The following BRAF variants were observed in gnomAD, a reference collection of about 807,000 sequenced individuals.
The protein encoded by BRAF is B-Raf proto-oncogene, serine/threonine kinase, also known as serine/threonine-protein kinase B-raf.
In BRAF, 16 loss-of-function variants were observed where a neutral mutation model predicts 104.6. That is an observed-to-expected ratio of 0.15 (90% confidence interval 0.10 to 0.23). BRAF has a LOEUF of 0.23. BRAF is among the 10% of genes least tolerant of loss of function. The pLI is 1.00. For missense variants in BRAF, 541 were observed against 937.3 expected, an observed-to-expected ratio of 0.58 and a Z score of 5.52; for synonymous variants, 310 against 341.6, an observed-to-expected ratio of 0.91 and a Z score of 1.02.
intron 14 of BRAF, among the ~76,000 whole-genome samples, chr7:140,775,654 T>C (rs1262256188): frequency 1.3e-5 from 2 of 152,208 alleles, no homozygotes; most frequent in African/African-American, 4.8e-5. Flanking sequence ...TTTAATTCTT[T>C]AAAAGCCTTT....
At chr7:140,781,804 C>T in intron 11 of BRAF, 111 bp from the exon 11 acceptor site, 1 of 855,934 alleles carries the variant, frequency 1.2e-6, no homozygotes, top group South Asian at 1.4e-5. Flanking sequence ...AAGAGATCCC[C>T]TTAAGAAAAA....
rs187578630 is a variant in BRAF at position 140,788,930 on chromosome 7, G to A, written c.1141-1346C>T. Among the ~76,000 whole-genome samples the A allele has an allele frequency of 1.4e-3, 206 of 151,796 alleles. 1 individual carries two copies. The highest frequency in any genetic ancestry group is 4.4e-3 in the African/African-American group (182 of 41,432). ...ATTATTAAAATATAGCTCTTTATGC[G>A]CCGGGTGCGGTGGCTCAAGCCTGTA... is the stretch of plus-strand genomic sequence containing the variant. On this transcript the variant is annotated intron_variant, in intron 8 of 19. Coordinates refer to ENST00000644969, the MANE Select transcript of BRAF (RefSeq NM_001374258.1).
intron 1 of BRAF, among the ~76,000 whole-genome samples, chr7:140,920,697 T>C (rs193056000): frequency 6.6e-6 from 1 of 152,292 alleles, no homozygotes; most frequent in African/African-American, 2.4e-5. Context: ...ATGGCCAACA[T>C]ATAAAATGAC....
Position 140,833,826 on chromosome 7 carries a change from G to A in BRAF, c.504+783C>T, listed in dbSNP as rs1210875261. 3.9e-5 allele frequency: 6 copies of A among 151,906 alleles called. No homozygotes were observed. The East Asian group carries it at 7.7e-4, about 20-fold the overall frequency. The allele number at this position is 151,906 out of a possible 1,614,324, so 9.4% of individuals were successfully genotyped here. A position where few individuals can be genotyped will look rare whatever the true frequency, so the allele number is the denominator to read the frequency against. On this transcript the variant is annotated intron_variant, in intron 3 of 19. Transcript: ENST00000644969. The stretch of plus-strand genomic sequence containing the variant: ...CATTAGTTTTCTAAACTCATATGCA[G>A]GAATTCTTAACTTCTGAAAGTAAAA...
At chr7:140,888,382 TA>T (rs1367217781) in intron 1 of BRAF, among the ~76,000 whole-genome samples, 4 of 148,654 alleles carry the variant, frequency 2.7e-5, no homozygotes, top group Admixed American at 6.6e-5. Context: ...AAGTTTTAAC[TA>T]AACCTTATAG....
intron 9 of BRAF, among the ~76,000 whole-genome samples, chr7:140,787,094 G>C (rs900523814): frequency 6.6e-6 from 1 of 151,970 alleles, no homozygotes; most frequent in African/African-American, 2.4e-5. Flanking sequence ...GAGGTCAGGA[G>C]ATCGAGACCA....
At chr7:140,787,405 T>C in intron 9 of BRAF, 143 bp downstream of exon 9, 1 of 633,226 alleles carries the variant, frequency 1.6e-6, no homozygotes, top group African/African-American at 1.8e-5. Flanking sequence ...TGACAAACAC[T>C]ACAGAAAAAC....
At chr7:140,740,955 A>T (rs1335712099) in intron 17 of BRAF, 2 of 152,182 alleles carry the variant, frequency 1.3e-5, no homozygotes, top group Admixed American at 1.3e-4. Flanking sequence ...CCATCATAAC[A>T]TCATCATTTT....
chr7:140,721,994 T>C lies in BRAF; in HGVS notation c.*4500A>G, dbSNP rs1313648452. On this transcript the variant is annotated 3_prime_UTR_variant, in exon 20 of 20. Transcript: ENST00000644969. ...TGATAAAACCAAATTCGGTCCTATATTTCAATTTCCCCTTCTAAGTTAATA... is the reference window on the plus strand; with the variant it reads ...TGATAAAACCAAATTCGGTCCTATACTTCAATTTCCCCTTCTAAGTTAATA... The C allele has an allele frequency of 8.5e-7, 1 of 1,182,278 alleles. No homozygotes were observed. 73.2% of individuals were successfully genotyped at this position (1,182,278 alleles called of 1,614,324 possible). A position where few individuals can be genotyped will look rare whatever the true frequency, so the allele number is the denominator to read the frequency against.
intron 17 of BRAF, chr7:140,740,167 A>C: frequency 1.9e-6 from 1 of 526,936 alleles, no homozygotes; most frequent in South Asian, 2.1e-5. Flanking sequence ...ACTGTGGCAA[A>C]GGTTCTCTAA....
At chr7:140,792,251 C>A (rs1228627616) in intron 8 of BRAF, among the ~76,000 whole-genome samples, 1 of 152,162 alleles carries the variant, frequency 6.6e-6, no homozygotes, top group Non-Finnish European at 1.5e-5. Context: ...GACAGTCCTG[C>A]CTCTATGTGT....
chr7:140,732,963 G>A (rs1397204487), intron 19 of BRAF: 2 of 152,038 alleles, frequency 1.3e-5, no homozygotes, highest in African/African-American at 4.8e-5. Flanking sequence ...TGCCACTGGA[G>A]GATTTAAAAA....
intron 1 of BRAF, among the ~76,000 whole-genome samples, chr7:140,901,073 G>A (rs1815575922): frequency 6.6e-6 from 1 of 152,160 alleles, no homozygotes; most frequent in African/African-American, 2.4e-5. Context: ...CAAAGCCATA[G>A]TCCAACTGAC....
chr7:140,727,628 CTTT>C (rs548667401), intron 19 of BRAF, among the ~76,000 whole-genome samples: 23 of 147,226 alleles, frequency 1.6e-4, no homozygotes, highest in African/African-American at 4.7e-4. Context: ...CACTATTTTT[CTTT>C]TTTTTTTGAG....
At chr7:140,915,269 A>T (rs1223177020) in intron 1 of BRAF, among the ~76,000 whole-genome samples, 3 of 152,122 alleles carry the variant, frequency 2.0e-5, no homozygotes, top group African/African-American at 7.2e-5. Flanking sequence ...AATATGCCAA[A>T]ATAAGTGACT....
Position 140,924,820 on chromosome 7 carries a change from G to C in BRAF, c.-117C>G, listed in dbSNP as rs1316644605. Reference sequence around the variant, plus strand: ...AGGCGGAGGAGCGGGGGGCGCGGGGGGCGCGGGGAGGAGCGGCCCGGGCGG... The same window carrying C: ...AGGCGGAGGAGCGGGGGGCGCGGGGCGCGCGGGGAGGAGCGGCCCGGGCGG... On this transcript the variant is annotated 5_prime_UTR_variant, in exon 1 of 20. Transcript: ENST00000644969. The surrounding 1 kb of genome is among the most constrained non-coding windows in gnomAD (Gnocchi z 4.2). 2.6e-6 allele frequency: 1 copy of C among 381,872 alleles called. No homozygotes were observed. The allele number at this position is 381,872 out of a possible 1,614,324, so 23.7% of individuals were successfully genotyped here. A position where few individuals can be genotyped will look rare whatever the true frequency, so the allele number is the denominator to read the frequency against.
At chr7:140,772,103 C>T (rs1053772691) in intron 14 of BRAF, among the ~76,000 whole-genome samples, 7 of 152,136 alleles carry the variant, frequency 4.6e-5, no homozygotes, top group Admixed American at 2.0e-4. Context: ...GAAATTAAAA[C>T]AGAGAACCAA....
intron 1 of BRAF, among the ~76,000 whole-genome samples, chr7:140,894,744 T>A (rs1397864857): frequency 6.6e-6 from 1 of 151,800 alleles, no homozygotes; most frequent in African/African-American, 2.4e-5. Context: ...AAGAACTGCC[T>A]TATCAACAAA....
At chr7:140,864,561 C>T (rs1810737217) in intron 1 of BRAF, among the ~76,000 whole-genome samples, 1 of 151,948 alleles carries the variant, frequency 6.6e-6, no homozygotes, top group South Asian at 2.1e-4. Context: ...GAAGGCTCAG[C>T]CCTGGGGATC....
Sources: gnomAD v4.1 joint callset for allele counts (sites outside exome capture counted in the v4.1 genomes callset) on GRCh38, gnomAD v4.1.1 for gene constraint, Gnocchi (gnomAD v3.1) non-coding constraint, MANE v1.5 for transcripts, NCBI Gene and HGNC (gene_info 2026-07-23, HGNC 2026-07-21) for gene names.